PTCHD4: variants seen among roughly 807,000 people sequenced by gnomAD.
The protein encoded by PTCHD4 is patched domain containing 4.
PTCHD4 carries 33 observed loss-of-function variants against 58.1 expected under a neutral mutation model. The ratio of observed to expected loss-of-function variants is 0.57; its 90% CI spans 0.43 to 0.76. PTCHD4 has a LOEUF of 0.76. Ranked by LOEUF, PTCHD4 falls within the 30% of genes least tolerant of loss-of-function variation. The pLI is 0.00. For missense variants in PTCHD4, 1,058 were observed against 1,027.1 expected (o/e 1.03, Z -0.41); for synonymous variants, 478 against 409.6 (o/e 1.17, Z -2.02).
intron 4 of PTCHD4, among the ~76,000 whole-genome samples, chr6:47,914,550 C>T (rs1431721613): frequency 2.0e-5 from 3 of 151,928 alleles, no homozygotes; most frequent in African/African-American, 7.3e-5. Context: ...TTCCAGAAGA[C>T]ATATTATGGG....
chr6:48,040,667 T>A (rs10456574), intron 3 of PTCHD4, among the ~76,000 whole-genome samples: 28,727 of 152,102 alleles, frequency 0.19, 3,085 homozygotes, highest in South Asian at 0.26. Context: ...GTGTCAACTA[T>A]ATGCCAGATG....
intron 1 of PTCHD4, among the ~76,000 whole-genome samples, chr6:48,103,306 G>C (rs938424228): frequency 6.6e-6 from 1 of 152,208 alleles, no homozygotes; most frequent in Non-Finnish European, 1.5e-5. Flanking sequence ...AATATCCGCT[G>C]TTCTGCAGCT....
At chr6:48,020,768 C>T (rs1474698536) in intron 3 of PTCHD4, among the ~76,000 whole-genome samples, 1 of 151,960 alleles carries the variant, frequency 6.6e-6, no homozygotes, top group Non-Finnish European at 1.5e-5. Flanking sequence ...GGCTGCAAAA[C>T]TATACACATT....
chr6:47,891,710 C>T (rs936510821), intron 4 of PTCHD4, among the ~76,000 whole-genome samples: 14 of 152,246 alleles, frequency 9.2e-5, no homozygotes, highest in African/African-American at 2.6e-4. Flanking sequence ...CATATAAGTC[C>T]ATTTTAATAC....
At chr6:47,961,368 T>C (rs906150586) in intron 4 of PTCHD4, among the ~76,000 whole-genome samples, 8 of 152,012 alleles carry the variant, frequency 5.3e-5, no homozygotes, top group African/African-American at 1.9e-4. Flanking sequence ...CTCGGCTTAC[T>C]GCAACCTCCA....
intron 3 of PTCHD4, among the ~76,000 whole-genome samples, chr6:48,051,627 T>A (rs908184664): frequency 4.6e-5 from 7 of 152,002 alleles, no homozygotes; most frequent in Non-Finnish European, 8.8e-5. Context: ...CTGCTTTGTA[T>A]TCATTTTTTA....
chr6:48,046,732 A>G (rs917542537), intron 3 of PTCHD4, among the ~76,000 whole-genome samples: 1 of 151,850 alleles, frequency 6.6e-6, no homozygotes, highest in African/African-American at 2.4e-5. Flanking sequence ...TTTATTATAC[A>G]ACTTGTCAAT....
At chr6:47,904,788 G>A (rs1364241778) in intron 4 of PTCHD4, among the ~76,000 whole-genome samples, 1 of 152,152 alleles carries the variant, frequency 6.6e-6, no homozygotes, top group Non-Finnish European at 1.5e-5. Context: ...TAATGTGCTA[G>A]AGAGATATCA....
chr6:48,041,716 AT>A (rs957898910), intron 3 of PTCHD4, among the ~76,000 whole-genome samples: 4 of 151,910 alleles, frequency 2.6e-5, no homozygotes, highest in African/African-American at 9.7e-5. Flanking sequence ...AGGGTCATGC[AT>A]TTTTTTGTTT....
intron 4 of PTCHD4, among the ~76,000 whole-genome samples, chr6:47,987,032 A>T (rs1415669000): frequency 6.6e-6 from 1 of 152,154 alleles, no homozygotes. Context: ...TAAAAAATGT[A>T]ATAATTGATC....
At chr6:47,999,062 AT>A (rs1170090095) in intron 4 of PTCHD4, among the ~76,000 whole-genome samples, 1 of 152,226 alleles carries the variant, frequency 6.6e-6, no homozygotes, top group Non-Finnish European at 1.5e-5. Flanking sequence ...ACACAGTTCT[AT>A]CCCCCAGTGA....
At chr6:47,912,949 A>G (rs533978450) in intron 4 of PTCHD4, among the ~76,000 whole-genome samples, 1 of 152,060 alleles carries the variant, frequency 6.6e-6, no homozygotes, top group Non-Finnish European at 1.5e-5. Flanking sequence ...TCCCCATGTG[A>G]TTGCTCAAGA....
At position 48,069,147 on chromosome 6, in the gene PTCHD4, G is replaced by GA. The variant is rs1764916087; in HGVS notation, c.-191_-190insT. 7.2e-6 allele frequency among the ~76,000 whole-genome samples: 1 copy of GA among 139,302 alleles called. No homozygotes were observed. The highest frequency in any genetic ancestry group is 1.6e-5 in the Non-Finnish European group (1 of 63,708). The allele number at this position is 139,302 out of a possible 152,430, so 91.4% of individuals were successfully genotyped here. On this transcript the variant is annotated 5_prime_UTR_variant, in exon 2 of 5. It introduces an in-frame stop codon into an upstream open reading frame of the 5' UTR. Coordinates refer to ENST00000339488, the MANE Select transcript of PTCHD4 (RefSeq NM_001384253.1). ...CAGACATGTGCCCCATAAAGGGGGGGGGGGCTGAGGGGGGGAGAGGAGGGA... is the reference window on the plus strand; with the variant it reads ...CAGACATGTGCCCCATAAAGGGGGGGAGGGGCTGAGGGGGGGAGAGGAGGGA...
In PTCHD4 at chr6:47,866,761, T is replaced by C. The variant is rs1311808297; in HGVS notation, c.*11542A>G. 3.3e-5 allele frequency among the ~76,000 whole-genome samples: 5 copies of C among 151,874 alleles called. No individual in the cohort carries two copies. The East Asian group carries it at 9.7e-4, about 29-fold the overall frequency. ...TATTAAAAAGGACAAGGGTAATGTA[T>C]AAATCAGTTAGGTTTATGCTTAAAA... On this transcript the variant is annotated 3_prime_UTR_variant, in exon 5 of 5. Transcript: ENST00000339488.
intron 4 of PTCHD4, among the ~76,000 whole-genome samples, chr6:47,884,108 G>C (rs1289887645): frequency 2.6e-5 from 4 of 152,106 alleles, no homozygotes; most frequent in African/African-American, 9.7e-5. Context: ...GTGTGTGTGT[G>C]TGTGTATGTA....
intron 1 of PTCHD4, among the ~76,000 whole-genome samples, chr6:48,084,779 T>C (rs1294936393): frequency 1.3e-5 from 2 of 149,840 alleles, no homozygotes; most frequent in Non-Finnish European, 3.0e-5. Flanking sequence ...GGTCTCCCAG[T>C]GTCACTCAGG....
At chr6:48,011,891 G>A (rs974347238) in intron 3 of PTCHD4, among the ~76,000 whole-genome samples, 6 of 152,062 alleles carry the variant, frequency 3.9e-5, no homozygotes, top group Admixed American at 2.0e-4. Context: ...GTAGATGTGC[G>A]CCATTATTTC....
intron 3 of PTCHD4, among the ~76,000 whole-genome samples, chr6:48,064,815 T>C (rs2113873917): frequency 6.6e-6 from 1 of 152,264 alleles, no homozygotes; most frequent in East Asian, 1.9e-4. Flanking sequence ...TTTGTGTGCC[T>C]AGTGAGAGAT....
intron 4 of PTCHD4, among the ~76,000 whole-genome samples, chr6:47,886,123 T>TC (rs1433072033): frequency 1.3e-5 from 2 of 151,286 alleles, no homozygotes; most frequent in Admixed American, 6.6e-5. Context: ...GGCAAGATTT[T>TC]TTTTTTTTTT....
Sources: gnomAD v4.1 joint callset for allele counts (sites outside exome capture counted in the v4.1 genomes callset) on GRCh38, gnomAD v4.1.1 for gene constraint, MANE v1.5 for transcripts, NCBI Gene and HGNC (gene_info 2026-07-23, HGNC 2026-07-21) for gene names.